The following BRI3BP variants were observed in gnomAD, a reference collection of about 807,000 sequenced individuals.
The protein encoded by BRI3BP is BRI3-binding protein.
A neutral mutation model predicts 15.8 loss-of-function variants in BRI3BP; 7 were observed. The ratio of observed to expected loss-of-function variants is 0.44; its 90% CI spans 0.25 to 0.83. The LOEUF is 0.83. Ranked by LOEUF, BRI3BP falls within the 40% of genes least tolerant of loss-of-function variation. BRI3BP has a pLI of 0.20. For missense variants in BRI3BP, 320 were observed against 339.3 expected (o/e 0.94, Z 0.45); for synonymous variants, 192 against 163.5 (o/e 1.17, Z -1.33).
At chr12:125,005,751 C>A (rs1955137248) in intron 1 of BRI3BP, among the ~76,000 whole-genome samples, 1 of 150,852 alleles carries the variant, frequency 6.6e-6, no homozygotes, top group Admixed American at 6.7e-5. Context: ...GCACTTCAGC[C>A]TGGGTGACAG....
downstream of BRI3BP, among the ~76,000 whole-genome samples, chr12:125,032,605 G>A (rs1057329247): frequency 6.6e-6 from 1 of 152,076 alleles, no homozygotes; most frequent in African/African-American, 2.4e-5. Flanking sequence ...TTGCCTCTAC[G>A]AAAAGTAAAT....
At chr12:125,038,726 T>G in the BRI3BP span, among the ~76,000 whole-genome samples, 5 of 150,632 alleles carry the variant, frequency 3.3e-5, no homozygotes, top group Non-Finnish European at 1.5e-5. Flanking sequence ...GATCGTGCCA[T>G]TGCACTCCAG....
chr12:124,999,477 G>A (rs1386992603), intron 1 of BRI3BP, among the ~76,000 whole-genome samples: 3 of 152,104 alleles, frequency 2.0e-5, no homozygotes, highest in Non-Finnish European at 4.4e-5. Context: ...AGGCTGGAGT[G>A]CAGTAGCTCA....
the BRI3BP span, among the ~76,000 whole-genome samples, chr12:125,038,255 C>CAAAAAAA: frequency 8.6e-6 from 1 of 116,610 alleles, no homozygotes. Flanking sequence ...CCAGCCATCT[C>CAAAAAAA]AAAAAAAAAA....
Position 125,022,079 on chromosome 12 carries a change from T to TA in BRI3BP, c.317-2890dup, listed in dbSNP as rs57327862. On this transcript the variant is annotated intron_variant, in intron 2 of 2. Transcript: ENST00000341446. ...TGGGTGACAGAAAAAGACCCTGTCT[T>TA]AAAAAAAAAAAAAAAAAAAAAAGAC... Among the ~76,000 whole-genome samples the TA allele has an allele frequency of 1.8e-3, 227 of 129,346 alleles. 2 individuals carry two copies. The highest frequency in any genetic ancestry group is 6.4e-3 in the East Asian group (28 of 4,390). The allele number at this position is 129,346 out of a possible 152,430, so 84.9% of individuals were successfully genotyped here. A position where few individuals can be genotyped will look rare whatever the true frequency, so the allele number is the denominator to read the frequency against.
the BRI3BP span, among the ~76,000 whole-genome samples, chr12:125,038,318 A>G: frequency 6.6e-6 from 1 of 151,970 alleles, no homozygotes; most frequent in Non-Finnish European, 1.5e-5. Context: ...GGGATGTGGG[A>G]TGCCTTTTCT....
intron 1 of BRI3BP, among the ~76,000 whole-genome samples, chr12:125,011,958 A>G (rs2135993521): frequency 6.6e-6 from 1 of 152,332 alleles, no homozygotes; most frequent in Middle Eastern, 3.4e-3. Flanking sequence ...TGGGAGGGCC[A>G]GGCAGGAGGA....
the BRI3BP span, among the ~76,000 whole-genome samples, chr12:125,047,034 G>T: frequency 6.6e-6 from 1 of 152,150 alleles, no homozygotes; most frequent in Admixed American, 6.5e-5. Flanking sequence ...TAGCAAAAAA[G>T]ACTGCATTGT....
chr12:124,993,806 T>G lies in BRI3BP; in HGVS notation c.16T>G (p.Ser6Ala). The G allele has an allele frequency of 9.3e-7, 1 of 1,075,886 alleles. No individual in the cohort carries two copies. The highest frequency in any genetic ancestry group is 1.1e-6 in the Non-Finnish European group (1 of 893,306). The allele number at this position is 1,075,886 out of a possible 1,614,324, so 66.6% of individuals were successfully genotyped here. A position where few individuals can be genotyped will look rare whatever the true frequency, so the allele number is the denominator to read the frequency against. ...CCGGCCGAGCATGGGCGCGCGCGCCTCAGGCGGGCCCCTGGCCCGGGCCGG... is the reference window on the plus strand; with the variant it reads ...CCGGCCGAGCATGGGCGCGCGCGCCGCAGGCGGGCCCCTGGCCCGGGCCGG... MGARA[S>A]GGPLARAGLL... Residue 6 changes from serine to alanine, a missense_variant, in exon 1 of 3, where the codon TCA (serine) becomes GCA (alanine). Coordinates refer to ENST00000341446, the MANE Select transcript of BRI3BP (RefSeq NM_080626.6).
At chr12:125,008,299 C>CTTTTTTTTTTTTTTT (rs55697100) in intron 1 of BRI3BP, among the ~76,000 whole-genome samples, 2 of 99,944 alleles carry the variant, frequency 2.0e-5, no homozygotes, top group Non-Finnish European at 3.7e-5. Context: ...CCTCTTCTTT[C>CTTTTTTTTTTTTTTT]TTTTTTTTTT....
chr12:125,006,986 G>A (rs1955149914), intron 1 of BRI3BP, among the ~76,000 whole-genome samples: 1 of 152,074 alleles, frequency 6.6e-6, no homozygotes, highest in African/African-American at 2.4e-5. Context: ...ATCATCTGAG[G>A]TCAGGAGTTT....
intron 2 of BRI3BP, among the ~76,000 whole-genome samples, chr12:125,021,568 C>A (rs145327486): frequency 3.3e-5 from 5 of 152,292 alleles, no homozygotes; most frequent in African/African-American, 9.6e-5. Context: ...CTATAAGGAA[C>A]TACCTGAGGC....
Position 125,025,631 on chromosome 12 carries a change from A to G in BRI3BP, c.*201A>G, listed in dbSNP as rs1955347616. 3.5e-6 allele frequency: 2 copies of G among 567,848 alleles called. No homozygotes were observed. The highest frequency in any genetic ancestry group is 6.1e-6 in the Non-Finnish European group (2 of 330,146). The allele number at this position is 567,848 out of a possible 1,614,324, so 35.2% of individuals were successfully genotyped here. A position where few individuals can be genotyped will look rare whatever the true frequency, so the allele number is the denominator to read the frequency against. On this transcript the variant is annotated 3_prime_UTR_variant, in exon 3 of 3. Coordinates refer to ENST00000341446, the MANE Select transcript of BRI3BP (RefSeq NM_080626.6). ...GCGGAAAGATCATTGACGTGGAACT[A>G]CACACGAAGTGTAATTAGTGGGGGA...
intron 1 of BRI3BP, among the ~76,000 whole-genome samples, chr12:125,005,505 A>T (rs1276015549): frequency 1.3e-5 from 2 of 152,104 alleles, no homozygotes; most frequent in East Asian, 3.9e-4. Flanking sequence ...ATGGTGGCTC[A>T]TGCCTGTAAT....
intron 1 of BRI3BP, among the ~76,000 whole-genome samples, chr12:125,009,283 C>CATTT: frequency 1.5e-5 from 1 of 66,568 alleles, no homozygotes; most frequent in Non-Finnish European, 2.8e-5. Flanking sequence ...ACCCAGCCAT[C>CATTT]TTTTTTTTTT....
rs1241468037 is a variant in BRI3BP at position 125,029,700 on chromosome 12, C to G, written c.*4270C>G. ...GCACAGCAATAGAATTTCTGGGAAG[C>G]AGACCTTGTGAATCGTGCCTGTGTC... On this transcript the variant is annotated 3_prime_UTR_variant, in exon 3 of 3. Coordinates refer to ENST00000341446, the MANE Select transcript of BRI3BP (RefSeq NM_080626.6). 2 of 152,106 alleles carry G rather than the reference C, an allele frequency of 1.3e-5. No homozygotes were observed. The highest frequency in any genetic ancestry group is 4.8e-5 in the African/African-American group (2 of 41,414). The allele number at this position is 152,106 out of a possible 1,614,324, so 9.4% of individuals were successfully genotyped here.
At position 125,018,944 on chromosome 12, in the gene BRI3BP, C is replaced by T. The variant is rs942133513; in HGVS notation, c.317-6047C>T. 5.9e-5 allele frequency among the ~76,000 whole-genome samples: 9 copies of T among 152,074 alleles called. 1 individual carries two copies. The highest frequency in any genetic ancestry group is 4.1e-4 in the South Asian group (2 of 4,832). On this transcript the variant is annotated intron_variant, in intron 2 of 2. Coordinates refer to ENST00000341446, the MANE Select transcript of BRI3BP (RefSeq NM_080626.6). The stretch of plus-strand genomic sequence containing the variant: ...CGCAATCTTGGCTCACTGCAACCTC[C>T]GCCTCCCGGGTTCAAGCGATTCTCC...
the BRI3BP span, among the ~76,000 whole-genome samples, chr12:125,040,763 C>T: frequency 6.7e-6 from 1 of 150,046 alleles, no homozygotes; most frequent in African/African-American, 2.5e-5. Context: ...CAGAGTCTTG[C>T]TGTGTTGTCC....
chr12:124,996,358 T>G (rs1254883574), intron 1 of BRI3BP, among the ~76,000 whole-genome samples: 2 of 152,158 alleles, frequency 1.3e-5, no homozygotes, highest in Non-Finnish European at 2.9e-5. Flanking sequence ...CAGGCTGGAG[T>G]GCGTTGGCAC....
Sources: gnomAD v4.1 joint callset for allele counts (sites outside exome capture counted in the v4.1 genomes callset) on GRCh38, gnomAD v4.1.1 for gene constraint, MANE v1.5 for transcripts, NCBI Gene and HGNC (gene_info 2026-07-23, HGNC 2026-07-21) for gene names.